SYT14: variants seen among roughly 807,000 people sequenced by gnomAD.
SYT14 encodes synaptotagmin 14, also known as synaptotagmin-14.
A neutral mutation model predicts 74.2 loss-of-function variants in SYT14; 32 were observed. The observed-to-expected ratio is 0.43, with a 90% CI of 0.33 to 0.58. The LOEUF is 0.58. SYT14 is among the 20% of genes least tolerant of loss of function. The probability of loss-of-function intolerance (pLI) is 0.05; values close to 1 mark genes in which losing one functional copy is unlikely to be tolerated. For synonymous variants in SYT14, 298 were observed against 337.7 expected, an observed-to-expected ratio of 0.88 and a Z score of 1.29; for missense variants, 791 against 981.8, an observed-to-expected ratio of 0.81 and a Z score of 2.60.
At chr1:209,995,959 T>A (rs1277631601) in intron 2 of SYT14, among the ~76,000 whole-genome samples, 1 of 152,136 alleles carries the variant, frequency 6.6e-6, no homozygotes, top group African/African-American at 2.4e-5. Context: ...TACTAGAATC[T>A]CTGGGATGCA....
chr1:210,121,234 T>C (rs2082454629), intron 7 of SYT14, among the ~76,000 whole-genome samples: 1 of 152,252 alleles, frequency 6.6e-6, no homozygotes, highest in African/African-American at 2.4e-5. Flanking sequence ...GGGAACTTGC[T>C]AAATGCTATT....
chr1:210,119,108 A>C (rs2082411739), intron 7 of SYT14, among the ~76,000 whole-genome samples: 1 of 152,176 alleles, frequency 6.6e-6, no homozygotes, highest in Admixed American at 6.5e-5. Flanking sequence ...ATAAGAATAT[A>C]TTTTATCAGC....
intron 5 of SYT14, among the ~76,000 whole-genome samples, chr1:210,034,211 G>C (rs1188589022): frequency 4.6e-5 from 7 of 151,704 alleles, no homozygotes; most frequent in Non-Finnish European, 8.9e-5. Context: ...TAGGTCTAAG[G>C]TTAATACAAG....
chr1:210,001,179 A>AT (rs925592775), intron 2 of SYT14, among the ~76,000 whole-genome samples: 1 of 151,950 alleles, frequency 6.6e-6, no homozygotes, highest in Non-Finnish European at 1.5e-5. Flanking sequence ...ATTTTCATGA[A>AT]TTTTTTTGCT....
intron 7 of SYT14, among the ~76,000 whole-genome samples, chr1:210,101,990 C>T (rs2082076152): frequency 1.3e-5 from 2 of 152,258 alleles, no homozygotes; most frequent in African/African-American, 4.8e-5. Flanking sequence ...ACCTACATTA[C>T]GTGTGTTAGC....
intron 5 of SYT14, among the ~76,000 whole-genome samples, chr1:210,053,579 G>C (rs1437877801): frequency 6.6e-6 from 1 of 152,146 alleles, no homozygotes; most frequent in Non-Finnish European, 1.5e-5. Context: ...TAACTGTTGA[G>C]GCAGGAAAAT....
chr1:210,021,312 G>A, intron 5 of SYT14, 58 bp downstream of exon 4: 2 of 1,473,574 alleles, frequency 1.4e-6, no homozygotes. Context: ...GATTACTTGT[G>A]CCTGAAATTC....
chr1:210,156,524 C>T (rs960738024), intron 8 of SYT14, among the ~76,000 whole-genome samples: 3 of 152,058 alleles, frequency 2.0e-5, no homozygotes, highest in African/African-American at 4.8e-5. Flanking sequence ...TACCTCTGCC[C>T]TGACTATATG....
chr1:209,957,151 A>C (rs1471959397), intron 2 of SYT14, among the ~76,000 whole-genome samples: 2 of 151,942 alleles, frequency 1.3e-5, no homozygotes, highest in African/African-American at 4.8e-5. Flanking sequence ...TCATCTACCC[A>C]GTTTTGTTAT....
At chr1:210,170,974 T>A (rs1360547370) in exon 10 of SYT14, 1 of 152,082 alleles carries the variant, frequency 6.6e-6, no homozygotes, top group African/African-American at 2.4e-5. Flanking sequence ...TAAAATGATC[T>A]CAGTATCTTC....
intron 2 of SYT14, among the ~76,000 whole-genome samples, chr1:210,013,422 A>G (rs1411250499): frequency 6.6e-6 from 1 of 152,246 alleles, no homozygotes; most frequent in East Asian, 1.9e-4. Flanking sequence ...GGAAACTTAG[A>G]AAATTTGAAT....
rs752880685 is a variant in SYT14, at chr1:210,121,971, CT to C, written c.2034+21534del. Reference sequence around the variant, plus strand: ...TATTCTGAAGTAACAAATCCTGAAACTTTTTTTTTTTTTTTTTTTTTTTTGA... The same window carrying C: ...TATTCTGAAGTAACAAATCCTGAAACTTTTTTTTTTTTTTTTTTTTTTTGA... On this transcript the variant is annotated intron_variant, in intron 7 of 9. Transcript: ENST00000637265. Among the ~76,000 whole-genome samples the C allele has an allele frequency of 1.7e-3, 92 of 54,504 alleles. 1 individual carries two copies. The highest frequency in any genetic ancestry group is 5.0e-3 in the African/African-American group (42 of 8,396). 35.8% of individuals were successfully genotyped at this position (54,504 alleles called of 152,430 possible). A position where few individuals can be genotyped will look rare whatever the true frequency, so the allele number is the denominator to read the frequency against.
At position 210,040,941 on chromosome 1, in the gene SYT14, C is replaced by A. The variant is rs546236188; in HGVS notation, c.1312+19687C>A. ...CCCCAGATAGCTGGGCTTCCATGAT[C>A]TCTGTTCTTCTACGGGAGTGGCCTG... is the stretch of plus-strand genomic sequence containing the variant. On this transcript the variant is annotated intron_variant, in intron 5 of 9. Coordinates refer to ENST00000637265, the Ensembl canonical transcript of SYT14. Among the ~76,000 whole-genome samples, 5 of 152,290 alleles carry A rather than the reference C, an allele frequency of 3.3e-5. No individual in the cohort carries two copies. The South Asian group carries it at 1.0e-3, about 32-fold the overall frequency.
At chr1:209,969,429 A>T (rs1328371008) in intron 2 of SYT14, among the ~76,000 whole-genome samples, 3 of 151,458 alleles carry the variant, frequency 2.0e-5, no homozygotes, top group African/African-American at 7.3e-5. Context: ...TTACTTTTTA[A>T]TAATAGCCGT....
chr1:209,965,965 G>A (rs935088223), intron 2 of SYT14: 2 of 454,048 alleles, frequency 4.4e-6, no homozygotes, highest in African/African-American at 4.0e-5. Context: ...CCGCCTCCTG[G>A]GTTCAAACGA....
intron 7 of SYT14, 37 bp downstream of exon 6, chr1:210,100,498 G>A (rs1223579337): frequency 1.3e-6 from 2 of 1,590,540 alleles, no homozygotes; most frequent in Admixed American, 3.3e-5. Context: ...TACAGTTTAT[G>A]TTCATGGTTT....
chr1:210,115,101 A>G (rs905596281), intron 7 of SYT14, among the ~76,000 whole-genome samples: 1 of 151,226 alleles, frequency 6.6e-6, no homozygotes, highest in African/African-American at 2.5e-5. Context: ...AATTATCTAG[A>G]TCTTGTAGGA....
intron 5 of SYT14, among the ~76,000 whole-genome samples, chr1:210,024,881 C>T (rs528867311): frequency 1.1e-4 from 16 of 151,740 alleles, no homozygotes; most frequent in African/African-American, 2.9e-4. Context: ...AGGAAGGCAG[C>T]GTGGTTGGGG....
chr1:210,116,118 G>A (rs1415297038), intron 7 of SYT14, among the ~76,000 whole-genome samples: 1 of 152,000 alleles, frequency 6.6e-6, no homozygotes, highest in Non-Finnish European at 1.5e-5. Context: ...GTTAAGGCAG[G>A]AACCAGCCAT....
Sources: gnomAD v4.1 joint callset for allele counts (sites outside exome capture counted in the v4.1 genomes callset) on GRCh38, gnomAD v4.1.1 for gene constraint, MANE v1.5 for transcripts, NCBI Gene and HGNC (gene_info 2026-07-23, HGNC 2026-07-21) for gene names.